Variants in PPTC7 observed in about 807,000 individuals in gnomAD.
The protein encoded by PPTC7 is protein phosphatase targeting COQ7.
PPTC7 carries 6 observed loss-of-function variants against 30.8 expected under a neutral mutation model. The observed-to-expected ratio is 0.19, with a 90% confidence interval of 0.11 to 0.38. The LOEUF (loss-of-function observed/expected upper bound fraction) is 0.38. Ranked by LOEUF, PPTC7 falls within the 10% of genes least tolerant of loss-of-function variation. The pLI is 1.00. For synonymous variants in PPTC7, 163 were observed against 168.1 expected (o/e 0.97, Z 0.23); for missense variants, 218 against 404.8 (o/e 0.54, Z 3.96).
intron 1 of PPTC7, among the ~76,000 whole-genome samples, chr12:110,579,453 C>G (rs2064617987): frequency 2.6e-5 from 4 of 152,156 alleles, no homozygotes; most frequent in South Asian, 4.1e-4. Flanking sequence ...GCATTCCCTT[C>G]AAGGGTACAG....
intron 1 of PPTC7, among the ~76,000 whole-genome samples, chr12:110,577,193 C>G (rs1255209582): frequency 7.1e-6 from 1 of 140,556 alleles, no homozygotes; most frequent in Non-Finnish European, 1.5e-5. Context: ...AAAAAATTCA[C>G]TCAGGGTCAT....
At chr12:110,546,323 CTTCCA>C (rs2064305709) in intron 2 of PPTC7, 1 of 500,184 alleles carries the variant, frequency 2.0e-6, no homozygotes, top group East Asian at 3.4e-5. Context: ...GATCTGAATT[CTTCCA>C]TTTGCATTGA....
In PPTC7 at chr12:110,538,125, C is replaced by G; in HGVS notation, c.856+19G>C. On this transcript the variant is annotated intron_variant, in intron 5 of 5. Coordinates refer to ENST00000354300, the MANE Select transcript of PPTC7 (RefSeq NM_139283.2). ...CATGTCCCCAGTCAGTCCCTATGACCTTCCCAAAGAATGCTTACCTCTCAC... is the reference window on the plus strand; with the variant it reads ...CATGTCCCCAGTCAGTCCCTATGACGTTCCCAAAGAATGCTTACCTCTCAC... The G allele has an allele frequency of 6.2e-7, 1 of 1,613,078 alleles. No individual in the cohort carries two copies. The highest frequency in any genetic ancestry group is 8.5e-7 in the Non-Finnish European group (1 of 1,179,422).
At chr12:110,580,887 G>A (rs1160575336) in intron 1 of PPTC7, among the ~76,000 whole-genome samples, 2 of 152,110 alleles carry the variant, frequency 1.3e-5, no homozygotes, top group Non-Finnish European at 2.9e-5. Context: ...GAGTAGCTGG[G>A]ACTATAGGCA....
intron 1 of PPTC7, among the ~76,000 whole-genome samples, chr12:110,572,137 CA>C (rs1393472252): frequency 2.0e-5 from 3 of 152,144 alleles, no homozygotes; most frequent in African/African-American, 7.2e-5. Flanking sequence ...TAGATAACAG[CA>C]TCCTTGAAAG....
intron 5 of PPTC7, among the ~76,000 whole-genome samples, chr12:110,537,756 G>C (rs2064229943): frequency 6.6e-6 from 1 of 152,134 alleles, no homozygotes; most frequent in Non-Finnish European, 1.5e-5. Flanking sequence ...AAATACTGTT[G>C]AGTCCCACAA....
chr12:110,545,837 A>T (rs761167043), intron 3 of PPTC7, 43 bp downstream of exon 3: 1 of 1,586,448 alleles, frequency 6.3e-7, no homozygotes, highest in South Asian at 1.1e-5. Context: ...ACTATGAATG[A>T]GCCACGTCCT....
intron 1 of PPTC7, 23 bp from the exon 2 acceptor site, chr12:110,551,991 A>G (rs1426408837): frequency 3.1e-6 from 5 of 1,588,730 alleles, no homozygotes; most frequent in Admixed American, 1.8e-5. Flanking sequence ...CAAAAATTAC[A>G]GTAAAAGAAC....
At chr12:110,573,503 G>C (rs1156480936) in intron 1 of PPTC7, among the ~76,000 whole-genome samples, 1 of 152,088 alleles carries the variant, frequency 6.6e-6, no homozygotes, top group African/African-American at 2.4e-5. Flanking sequence ...TTACAGAGTA[G>C]GATGCATATT....
chr12:110,551,965 A>G lies in PPTC7; in HGVS notation c.227T>C (p.Val76Ala). The change falls in exon 2 of 6, where the codon GTT (valine) becomes GCT (alanine). Residue 76 changes from valine to alanine, a missense_variant. Transcript: ENST00000354300. ...TCTCCAGCCTCCTACACCATCTGCA[A>G]CCCCTGAAGAAAAAACAAAAATTAC... ...ARHRSADVLG[V>A]ADGVGGWRDY... 1 of 1,592,502 alleles carries G rather than the reference A, an allele frequency of 6.3e-7. No homozygotes were observed. The highest frequency in any genetic ancestry group is 8.6e-7 in the Non-Finnish European group (1 of 1,167,614).
chr12:110,581,426 G>C (rs1431917795), intron 1 of PPTC7, among the ~76,000 whole-genome samples: 1 of 150,752 alleles, frequency 6.6e-6, no homozygotes, highest in Non-Finnish European at 1.5e-5. Flanking sequence ...AAAAAAAAAC[G>C]CAGCACAGGT....
Position 110,550,817 on chromosome 12 carries a change from T to G in PPTC7, c.403+972A>C, listed in dbSNP as rs555068598. 6.4e-4 allele frequency among the ~76,000 whole-genome samples: 98 copies of G among 152,352 alleles called. 1 individual carries two copies. In the East Asian group the frequency reaches 0.013, roughly 20 times the overall value. On this transcript the variant is annotated intron_variant, in intron 2 of 5. Transcript: ENST00000354300. ...CAAGTTATTTCACCGACTAATCACCTGTTAGCAGTGTGGGGTGACCAAACA... is the reference window on the plus strand; with the variant it reads ...CAAGTTATTTCACCGACTAATCACCGGTTAGCAGTGTGGGGTGACCAAACA...
chr12:110,581,700 T>C (rs2064638554), intron 1 of PPTC7, among the ~76,000 whole-genome samples: 1 of 152,198 alleles, frequency 6.6e-6, no homozygotes, highest in Non-Finnish European at 1.5e-5. Context: ...CCAAAGATAC[T>C]AGGCAATTAT....
At chr12:110,539,714 C>T (rs2064242406) in intron 4 of PPTC7, 108 bp downstream of exon 4, 1 of 1,056,590 alleles carries the variant, frequency 9.5e-7, no homozygotes, top group Non-Finnish European at 1.3e-6. Flanking sequence ...CTGAAATTCA[C>T]AAAATAGTTC....
intron 1 of PPTC7, among the ~76,000 whole-genome samples, chr12:110,576,561 C>T (rs530734226): frequency 6.6e-6 from 1 of 152,262 alleles, no homozygotes; most frequent in East Asian, 1.9e-4. Flanking sequence ...GAAGTACTGA[C>T]ACATGCTCCA....
At chr12:110,545,532 G>A (rs904958063) in intron 3 of PPTC7, among the ~76,000 whole-genome samples, 1 of 152,204 alleles carries the variant, frequency 6.6e-6, no homozygotes, top group Non-Finnish European at 1.5e-5. Context: ...GCAAAATCTT[G>A]TACAAGCAAT....
intron 5 of PPTC7, 25 bp downstream of exon 5, chr12:110,538,119 T>C (rs748704339): frequency 5.8e-5 from 93 of 1,612,180 alleles, no homozygotes; most frequent in Non-Finnish European, 7.5e-5. Flanking sequence ...AGTCAGTCCC[T>C]ATGACCTTCC....
rs150037040 is a variant in PPTC7, at chr12:110,548,739, C to T, written c.404-2661G>A. 3.9e-4 allele frequency among the ~76,000 whole-genome samples: 59 copies of T among 152,264 alleles called. 1 individual carries two copies. The highest frequency in any genetic ancestry group is 1.3e-3 in the African/African-American group (55 of 41,540). On this transcript the variant is annotated intron_variant, in intron 2 of 5. Coordinates refer to ENST00000354300, the MANE Select transcript of PPTC7 (RefSeq NM_139283.2). ...GACGAAGCCAGGCTATCCTTTGCTA[C>T]CCTGCGACAGTAACTCGCTGAGTTG...
intron 1 of PPTC7, among the ~76,000 whole-genome samples, chr12:110,579,969 C>T (rs909522841): frequency 4.9e-4 from 75 of 151,658 alleles, no homozygotes; most frequent in Non-Finnish European, 3.2e-4. Flanking sequence ...GCCGAGATGG[C>T]GCCATTGCAC....
Sources: allele counts gnomAD v4.1 joint callset (sites outside exome capture counted in the v4.1 genomes callset), GRCh38; gene constraint gnomAD v4.1.1; transcripts MANE v1.5; gene names NCBI Gene and HGNC (gene_info 2026-07-23, HGNC 2026-07-21).